Variants in KAZN observed in about 807,000 individuals in gnomAD.
The protein encoded by KAZN is kazrin.
Under a neutral mutation model 87.4 loss-of-function variants are expected in KAZN, and 40 were observed. That is an observed-to-expected ratio of 0.46 (90% CI 0.36 to 0.60). KAZN has a LOEUF of 0.60. Ranked by LOEUF, KAZN falls within the 20% of genes least tolerant of loss-of-function variation. The pLI, the probability that KAZN is intolerant of heterozygous loss-of-function variation, is 0.00. For synonymous variants in KAZN, 466 were observed against 458.3 expected (o/e 1.02, Z -0.22); for missense variants, 898 against 1,073.9 (o/e 0.84, Z 2.29).
At chr1:13,989,721 T>A (rs899534735) in intron 1 of KAZN, among the ~76,000 whole-genome samples, 1 of 152,116 alleles carries the variant, frequency 6.6e-6, no homozygotes, top group Non-Finnish European at 1.5e-5. Flanking sequence ...AGGGAGATAC[T>A]AGTAAAGAAA....
chr1:14,045,127 C>T (rs533686233), intron 1 of KAZN, among the ~76,000 whole-genome samples: 106 of 152,312 alleles, frequency 7.0e-4, no homozygotes, highest in South Asian at 2.3e-3. Flanking sequence ...TCAGCCACCT[C>T]AGCTGAGACC....
chr1:14,977,403 T>C (rs1665756529), intron 2 of KAZN, among the ~76,000 whole-genome samples: 1 of 152,202 alleles, frequency 6.6e-6, no homozygotes, highest in Non-Finnish European at 1.5e-5. Context: ...CATGGTTCCA[T>C]CCCAGATTCC....
chr1:15,021,651 G>A lies in KAZN; in HGVS notation c.419-13098G>A, dbSNP rs77324826. Among the ~76,000 whole-genome samples the A allele has an allele frequency of 0.021, 3,191 of 152,264 alleles. 137 individuals are homozygous for A. The highest frequency in any genetic ancestry group is 0.071 in the African/African-American group (2,962 of 41,538). ...AGTCCTGAGCCGGGGTGGTGGCAGG[G>A]ACAGTGTGCCCTGCGTGCAGTTAGC... is the stretch of plus-strand genomic sequence containing the variant. On this transcript the variant is annotated intron_variant, in intron 2 of 14. Coordinates refer to ENST00000376030, the MANE Select transcript of KAZN (RefSeq NM_201628.3). This position sits in a 1 kb window ranked among gnomAD's most constrained non-coding sequence, Gnocchi z 4.2.
chr1:15,063,635 T>G lies in KAZN; in HGVS notation c.1098+13T>G. ...CCCTATTGTACAGGTAGGTGTGCCC[T>G]CCCTGGCCACTTGAACCCTCCCTCC... On this transcript the variant is annotated intron_variant, in intron 7 of 14. Transcript: ENST00000376030. The G allele has an allele frequency of 6.2e-7, 1 of 1,610,766 alleles. No individual in the cohort carries two copies.
chr1:14,264,284 T>A (rs1651307566), intron 2 of KAZN, among the ~76,000 whole-genome samples: 3 of 152,206 alleles, frequency 2.0e-5, no homozygotes, highest in Admixed American at 2.0e-4. Context: ...TTGGTGACTG[T>A]CAGCCAGGAG....
intron 1 of KAZN, among the ~76,000 whole-genome samples, chr1:14,857,100 G>A (rs1270871052): frequency 1.3e-5 from 2 of 152,182 alleles, no homozygotes; most frequent in East Asian, 3.9e-4. Context: ...CTCGGCGTCA[G>A]GTTACTAGCT....
At chr1:14,591,418 AAC>A (rs36060158) in intron 2 of KAZN, among the ~76,000 whole-genome samples, 42,141 of 147,050 alleles carry the variant, frequency 0.29, 5,967 homozygotes, top group Middle Eastern at 0.42. Flanking sequence ...GGAAAGAAGA[AAC>A]ACACACACAC....
chr1:13,910,214 A>C (rs1639598891), intron 1 of KAZN, among the ~76,000 whole-genome samples: 1 of 152,190 alleles, frequency 6.6e-6, no homozygotes, highest in Non-Finnish European at 1.5e-5. Flanking sequence ...ATTGTTTAAA[A>C]GTATGTGACA....
intron 1 of KAZN, among the ~76,000 whole-genome samples, chr1:14,661,945 A>T (rs10927487): frequency 0.2 from 30,872 of 152,138 alleles, 3,257 homozygotes; most frequent in South Asian, 0.28. Flanking sequence ...CTGAAGTCGG[A>T]TAGGCCTGGG....
intron 7 of KAZN, 56 bp downstream of exon 7, chr1:15,063,678 A>G: frequency 1.4e-6 from 2 of 1,388,618 alleles, no homozygotes; most frequent in South Asian, 1.2e-5. Flanking sequence ...CTTGACTACA[A>G]CTTCACCCTC....
At chr1:14,418,262 A>G (rs1404063132) in intron 2 of KAZN, among the ~76,000 whole-genome samples, 1 of 152,094 alleles carries the variant, frequency 6.6e-6, no homozygotes. Context: ...ACAAGTTCCT[A>G]ACTATATGAC....
At chr1:14,405,565 C>A (rs527419333) in intron 2 of KAZN, among the ~76,000 whole-genome samples, 200 of 150,380 alleles carry the variant, frequency 1.3e-3, no homozygotes, top group Non-Finnish European at 2.1e-3. Flanking sequence ...AAGTTACTTA[C>A]CATATTAATC....
chr1:14,618,511 A>T (rs1678434438), intron 1 of KAZN, among the ~76,000 whole-genome samples: 1 of 152,246 alleles, frequency 6.6e-6, no homozygotes, highest in Non-Finnish European at 1.5e-5. Context: ...AAGTGACACT[A>T]ATATGATGGA....
intron 1 of KAZN, among the ~76,000 whole-genome samples, chr1:14,850,875 A>T (rs1649349848): frequency 6.6e-6 from 1 of 152,144 alleles, no homozygotes; most frequent in Non-Finnish European, 1.5e-5. Context: ...TGGAAGTTTT[A>T]TATTGGTTTC....
At chr1:14,073,599 G>C (rs561155102) in intron 1 of KAZN, among the ~76,000 whole-genome samples, 79 of 151,826 alleles carry the variant, frequency 5.2e-4, no homozygotes, top group African/African-American at 1.9e-3. Context: ...CCCTCCCTGT[G>C]TCCATGTGTT....
intron 1 of KAZN, among the ~76,000 whole-genome samples, chr1:14,635,051 C>T (rs1679859750): frequency 6.6e-6 from 1 of 152,116 alleles, no homozygotes; most frequent in African/African-American, 2.4e-5. Flanking sequence ...GGAATGGTAC[C>T]CACCCCACAG....
chr1:14,053,113 A>G (rs1471683752), intron 1 of KAZN, among the ~76,000 whole-genome samples: 2 of 151,842 alleles, frequency 1.3e-5, no homozygotes, highest in East Asian at 3.9e-4. Flanking sequence ...ACGGGATCTT[A>G]CTCCTGTGAC....
intron 2 of KAZN, among the ~76,000 whole-genome samples, chr1:14,211,033 A>T (rs1646842919): frequency 6.6e-6 from 1 of 152,118 alleles, no homozygotes; most frequent in African/African-American, 2.4e-5. Context: ...TACCTCTTAG[A>T]TGGAAGATTT....
At chr1:14,658,022 C>T (rs1405602509) in intron 1 of KAZN, among the ~76,000 whole-genome samples, 1 of 152,144 alleles carries the variant, frequency 6.6e-6, no homozygotes, top group Non-Finnish European at 1.5e-5. Context: ...AGGCACCTGG[C>T]GCTGGTGTCC....
Sources: allele counts gnomAD v4.1 joint callset (sites outside exome capture counted in the v4.1 genomes callset), GRCh38; gene constraint gnomAD v4.1.1; non-coding constraint Gnocchi (gnomAD v3.1); transcripts MANE v1.5; gene names NCBI Gene and HGNC (gene_info 2026-07-23, HGNC 2026-07-21).